Variants in TOGARAM2 observed in about 807,000 individuals in gnomAD.
The protein encoded by TOGARAM2 is TOG array regulator of axonemal microtubules protein 2.
Under a neutral mutation model 93.3 loss-of-function variants are expected in TOGARAM2, and 85 were observed. The observed-to-expected ratio is 0.91, with a 90% CI of 0.76 to 1.09. The LOEUF is 1.09. Ranked by LOEUF, TOGARAM2 falls within the 50% of genes least tolerant of loss-of-function variation. The pLI, the probability that TOGARAM2 is intolerant of heterozygous loss-of-function variation, is 0.00. For missense variants in TOGARAM2, 1,277 were observed against 1,334.5 expected, an observed-to-expected ratio of 0.96 and a Z score of 0.67; for synonymous variants, 593 against 552.8, an observed-to-expected ratio of 1.07 and a Z score of -1.02.
chr2:29,030,257 C>G (rs888101390), intron 14 of TOGARAM2, among the ~76,000 whole-genome samples: 4 of 152,156 alleles, frequency 2.6e-5, no homozygotes, highest in Non-Finnish European at 5.9e-5. Context: ...GCCTGGGCAA[C>G]AGGGTGAGAC....
intron 1 of TOGARAM2, among the ~76,000 whole-genome samples, chr2:28,960,523 G>A (rs1287105052): frequency 6.6e-6 from 1 of 152,088 alleles, no homozygotes; most frequent in African/African-American, 2.4e-5. Context: ...GTCTTCTTTA[G>A]TTACTTTTGC....
chr2:28,976,306 G>A (rs1378111263), upstream of TOGARAM2, among the ~76,000 whole-genome samples: 2 of 152,206 alleles, frequency 1.3e-5, no homozygotes, highest in Admixed American at 6.5e-5. Flanking sequence ...GGAAGGCGGA[G>A]CTTGCAGTGA....
At chr2:29,007,101 A>G (rs1421360935) in intron 6 of TOGARAM2, among the ~76,000 whole-genome samples, 1 of 151,842 alleles carries the variant, frequency 6.6e-6, no homozygotes, top group East Asian at 1.9e-4. Flanking sequence ...GTTTGCCCCC[A>G]TCTCCTGTTT....
chr2:29,045,215 C>CA lies in TOGARAM2; in HGVS notation c.2636-106dup, dbSNP rs1479955787. 1.0e-5 allele frequency: 8 copies of CA among 801,750 alleles called. No homozygotes were observed. The Admixed American group carries it at 1.9e-4, about 19-fold the overall frequency. 49.7% of individuals were successfully genotyped at this position (801,750 alleles called of 1,614,324 possible). On this transcript the variant is annotated intron_variant, in intron 18 of 19. Transcript: ENST00000379558. ...CCTGGAAAAATTAATTCAGCTCCCCCAAAGGCCTCATCCCCTTGCAGGTAC... is the reference window on the plus strand; with the variant it reads ...CCTGGAAAAATTAATTCAGCTCCCCCAAAAGGCCTCATCCCCTTGCAGGTAC...
At chr2:29,050,041 T>A (rs1024467515) in intron 19 of TOGARAM2, 3 of 152,116 alleles carry the variant, frequency 2.0e-5, no homozygotes, top group Non-Finnish European at 4.4e-5. Context: ...GTGGTCCTGA[T>A]GAAGGAAGGA....
In TOGARAM2 at chr2:29,051,967, C is replaced by T. The variant is rs552026603; in HGVS notation, c.2934C>T (p.His978=). The T allele has an allele frequency of 8.1e-5, 130 of 1,612,184 alleles. No individual in the cohort carries two copies. Among genetic ancestry groups the T allele is most frequent in the Non-Finnish European group, 9.7e-5 (114 of 1,179,364 alleles). The change falls in exon 20 of 20, where the codon CAC becomes CAT. Residue 978 remains histidine, a synonymous_variant. Coordinates refer to ENST00000379558, the MANE Select transcript of TOGARAM2 (RefSeq NM_199280.4). ...LLDFAASQPK[H]VLKTLQELLD... Reference sequence around the variant, plus strand: ...ACTTTGCCGCCAGCCAGCCAAAGCACGTCCTCAAGACGCTCCAGGAACTCT... The same window carrying T: ...ACTTTGCCGCCAGCCAGCCAAAGCATGTCCTCAAGACGCTCCAGGAACTCT...
chr2:29,017,397 T>A (rs1160538203), intron 9 of TOGARAM2, 93 bp downstream of exon 9: 7 of 1,228,130 alleles, frequency 5.7e-6, no homozygotes, highest in Non-Finnish European at 7.5e-6. Context: ...TTTTTTAAAA[T>A]TTTTATTAGT....
At chr2:29,028,561 G>A (rs946286819) in intron 14 of TOGARAM2, among the ~76,000 whole-genome samples, 1 of 152,054 alleles carries the variant, frequency 6.6e-6, no homozygotes, top group African/African-American at 2.4e-5. Context: ...AGAGTGCTTT[G>A]ACCCCCTGCT....
At chr2:28,999,056 A>T in intron 3 of TOGARAM2, 125 bp from the exon 4 acceptor site, 1 of 994,662 alleles carries the variant, frequency 1.0e-6, no homozygotes, top group Non-Finnish European at 1.4e-6. Context: ...CTGAAACATT[A>T]AATGACTGGG....
chr2:29,004,684 G>A (rs1197256147), intron 6 of TOGARAM2, among the ~76,000 whole-genome samples: 1 of 152,090 alleles, frequency 6.6e-6, no homozygotes, highest in Admixed American at 6.6e-5. Context: ...GTATATGCAT[G>A]TATGTGAGTA....
chr2:29,004,448 T>C (rs1358863806), intron 6 of TOGARAM2, among the ~76,000 whole-genome samples: 1 of 152,050 alleles, frequency 6.6e-6, no homozygotes, highest in African/African-American at 2.4e-5. Context: ...CACAAACAAG[T>C]GGGGAAGAGG....
chr2:29,038,008 T>C (rs2148382799), intron 18 of TOGARAM2, among the ~76,000 whole-genome samples: 1 of 152,282 alleles, frequency 6.6e-6, no homozygotes, highest in Non-Finnish European at 1.5e-5. Context: ...CCTCCAGGTG[T>C]TTTAGTTTCC....
intron 13 of TOGARAM2, 123 bp downstream of exon 13, chr2:29,024,497 G>A: frequency 1.2e-6 from 1 of 829,784 alleles, no homozygotes; most frequent in South Asian, 1.7e-5. Context: ...GCAGGCAAGT[G>A]AGGCTGCAGG....
intron 13 of TOGARAM2, among the ~76,000 whole-genome samples, chr2:29,024,868 A>G (rs1044290272): frequency 1.3e-5 from 2 of 152,194 alleles, no homozygotes; most frequent in African/African-American, 4.8e-5. Context: ...GAGAAGAGAA[A>G]GTCGCAAAAT....
At chr2:28,967,250 G>A (rs1671879151) in intron 1 of TOGARAM2, among the ~76,000 whole-genome samples, 1 of 152,136 alleles carries the variant, frequency 6.6e-6, no homozygotes, top group African/African-American at 2.4e-5. Context: ...CAAAACAGGA[G>A]GATTTCTTGA....
intron 2 of TOGARAM2, among the ~76,000 whole-genome samples, chr2:28,997,894 G>A (rs948016041): frequency 6.6e-6 from 1 of 152,176 alleles, no homozygotes; most frequent in African/African-American, 2.4e-5. Flanking sequence ...AGGATGCGAG[G>A]AGGGAGGAGG....
In TOGARAM2 at chr2:29,003,679, C is replaced by G. The variant is rs748158957; in HGVS notation, c.827C>G (p.Thr276Arg). ...GVLTGLRAPRTRLARGSGPRE... is the reference protein window; with the variant it reads ...GVLTGLRAPRRRLARGSGPRE... Reference sequence around the variant, plus strand: ...CTCACAGGCCTGAGGGCCCCACGCACGCGGTAAGAGCTCCAAGTCAAACCT... The same window carrying G: ...CTCACAGGCCTGAGGGCCCCACGCAGGCGGTAAGAGCTCCAAGTCAAACCT... The change falls in exon 6 of 20, where the codon ACG (threonine) becomes AGG (arginine). Residue 276 changes from threonine to arginine, a missense_variant. Thr to Arg is a moderately conservative substitution (Grantham distance 71). Transcript: ENST00000379558. 6.5e-7 allele frequency: 1 copy of G among 1,532,092 alleles called. No homozygotes were observed. 94.9% of individuals were successfully genotyped at this position (1,532,092 alleles called of 1,614,324 possible). A position where few individuals can be genotyped will look rare whatever the true frequency, so the allele number is the denominator to read the frequency against.
intron 1 of TOGARAM2, among the ~76,000 whole-genome samples, chr2:28,971,299 C>T (rs1482963064): frequency 6.6e-6 from 1 of 151,974 alleles, no homozygotes; most frequent in East Asian, 1.9e-4. Context: ...GCAGCCTCAA[C>T]CTCCCAGGCT....
intron 1 of TOGARAM2, among the ~76,000 whole-genome samples, chr2:28,968,815 CAAAAAAAAA>C (rs58495032): frequency 2.4e-4 from 10 of 41,986 alleles, no homozygotes; most frequent in African/African-American, 8.3e-4. Flanking sequence ...GAGACTCTGT[CAAAAAAAAA>C]AAAAAAAAAA....
Sources: gnomAD v4.1 joint callset for allele counts (sites outside exome capture counted in the v4.1 genomes callset) on GRCh38, gnomAD v4.1.1 for gene constraint, MANE v1.5 for transcripts, NCBI Gene and HGNC (gene_info 2026-07-23, HGNC 2026-07-21) for gene names.